The following RNF128 variants were observed in gnomAD, a reference collection of about 807,000 sequenced individuals.
RNF128 encodes the protein E3 ubiquitin-protein ligase RNF128.
RNF128 carries 13 observed loss-of-function variants against 26.2 expected under a neutral mutation model. The ratio of observed to expected loss-of-function variants is 0.50; its 90% CI spans 0.32 to 0.79. The LOEUF (loss-of-function observed/expected upper bound fraction) is 0.79, where lower values mean the gene tolerates loss of function less well. Ranked by LOEUF, RNF128 falls within the 30% of genes least tolerant of loss-of-function variation. RNF128 has a pLI of 0.03. For synonymous variants in RNF128, 149 were observed against 142.5 expected, an observed-to-expected ratio of 1.05 and a Z score of -0.32; for missense variants, 315 against 349.7, an observed-to-expected ratio of 0.90 and a Z score of 0.79.
intron 3 of RNF128, among the ~76,000 whole-genome samples, chrX:106,787,657 A>C (rs1930680703): frequency 9.0e-6 from 1 of 111,353 alleles, no homozygotes; most frequent in African/African-American, 3.2e-5. Context: ...ATATATCCTA[A>C]ATCAGGAAAA....
chrX:106,710,279 A>G (rs1307476952), intron 1 of RNF128, among the ~76,000 whole-genome samples: 1 of 112,119 alleles, frequency 8.9e-6, no homozygotes, highest in Non-Finnish European at 1.9e-5. Flanking sequence ...AACAAAAGGC[A>G]AATTTCTAGT....
intron 1 of RNF128, among the ~76,000 whole-genome samples, chrX:106,743,275 G>A (rs770321867): frequency 1.5e-4 from 17 of 112,311 alleles, no homozygotes; most frequent in Non-Finnish European, 3.2e-4. Context: ...TATCTACTAT[G>A]TAAGCATAAC....
intron 2 of RNF128, among the ~76,000 whole-genome samples, chrX:106,777,101 T>C (rs903614054): frequency 1.8e-5 from 2 of 111,767 alleles, no homozygotes; most frequent in Non-Finnish European, 3.8e-5. Context: ...AACCATGCTC[T>C]GATATGGTGT....
chrX:106,766,119 A>C (rs778138133), intron 1 of RNF128, among the ~76,000 whole-genome samples: 1 of 111,827 alleles, frequency 8.9e-6, no homozygotes, highest in Non-Finnish European at 1.9e-5. Flanking sequence ...CTATTATTGA[A>C]GGACATTTGG....
intron 1 of RNF128, among the ~76,000 whole-genome samples, chrX:106,716,366 T>C (rs992118642): frequency 4.5e-5 from 5 of 111,531 alleles, no homozygotes; most frequent in African/African-American, 1.3e-4. Context: ...TACATGTATA[T>C]GACAATCCAG....
At chrX:106,716,006 C>T (rs1045724389) in intron 1 of RNF128, among the ~76,000 whole-genome samples, 1 of 111,915 alleles carries the variant, frequency 8.9e-6, no homozygotes, top group African/African-American at 3.3e-5. Flanking sequence ...CCCACTACTC[C>T]TCCTCTGTAC....
At chrX:106,774,695 T>C (rs1485431381) in intron 2 of RNF128, among the ~76,000 whole-genome samples, 6 of 112,307 alleles carry the variant, frequency 5.3e-5, no homozygotes, top group African/African-American at 1.6e-4. Flanking sequence ...CCATAATTTC[T>C]TACCTCCTCC....
At chrX:106,782,743 G>A (rs915888031) in intron 2 of RNF128, among the ~76,000 whole-genome samples, 1 of 111,577 alleles carries the variant, frequency 9.0e-6, no homozygotes, top group Non-Finnish European at 1.9e-5. Context: ...AATGGTAGGA[G>A]TAGCTTCCTA....
intron 1 of RNF128, among the ~76,000 whole-genome samples, chrX:106,755,190 C>G (rs1012080271): frequency 2.7e-5 from 3 of 111,470 alleles, no homozygotes; most frequent in African/African-American, 6.5e-5. Flanking sequence ...CACACAGAAC[C>G]TTCCATGATT....
intron 1 of RNF128, among the ~76,000 whole-genome samples, chrX:106,698,460 T>C (rs891094691): frequency 9.0e-6 from 1 of 111,416 alleles, no homozygotes; most frequent in Non-Finnish European, 1.9e-5. Context: ...AAAAATGTTT[T>C]TCTAGAAGTA....
At chrX:106,775,216 G>A (rs1005858665) in intron 2 of RNF128, among the ~76,000 whole-genome samples, 1 of 111,794 alleles carries the variant, frequency 8.9e-6, no homozygotes, top group Non-Finnish European at 1.9e-5. Flanking sequence ...TTTTATCTGC[G>A]AGGCTGGAAG....
chrX:106,723,025 C>A (rs1347501158), upstream of RNF128, among the ~76,000 whole-genome samples: 1 of 111,660 alleles, frequency 9.0e-6, no homozygotes, highest in Non-Finnish European at 1.9e-5. Context: ...TGTCCTCATA[C>A]AATCCATATG....
intron 1 of RNF128, among the ~76,000 whole-genome samples, chrX:106,705,372 G>A (rs971027582): frequency 1.8e-5 from 2 of 112,244 alleles, no homozygotes; most frequent in African/African-American, 6.5e-5. Context: ...TATCTGCATT[G>A]AGGAGATTAG....
chrX:106,782,824 C>T (rs762460582), intron 2 of RNF128, among the ~76,000 whole-genome samples: 8 of 111,682 alleles, frequency 7.2e-5, no homozygotes, highest in Non-Finnish European at 1.3e-4. Context: ...GACACTAGCT[C>T]TGATATTTCA....
chrX:106,781,165 C>T, intron 2 of RNF128, among the ~76,000 whole-genome samples: 1 of 111,340 alleles, frequency 9.0e-6, no homozygotes, highest in Non-Finnish European at 1.9e-5. Context: ...GCCCAGTCCT[C>T]CAGCTACTCA....
At chrX:106,731,053 G>C (rs929431443) in intron 1 of RNF128, among the ~76,000 whole-genome samples, 2 of 112,433 alleles carry the variant, frequency 1.8e-5, no homozygotes, top group East Asian at 2.8e-4. Context: ...TGCCTCCTAA[G>C]GTTGCTGGGA....
intron 1 of RNF128, among the ~76,000 whole-genome samples, chrX:106,766,764 G>C (rs1488087399): frequency 2.7e-5 from 3 of 111,828 alleles, no homozygotes; most frequent in African/African-American, 6.5e-5. Flanking sequence ...ATTGCTTTTG[G>C]TGTTTTGGTC....
upstream of RNF128, among the ~76,000 whole-genome samples, chrX:106,724,809 C>T (rs1348015338): frequency 1.8e-5 from 2 of 111,730 alleles, no homozygotes; most frequent in Non-Finnish European, 3.8e-5. Context: ...ATATATCACT[C>T]TATACTGCAC....
intron 1 of RNF128, among the ~76,000 whole-genome samples, chrX:106,729,222 A>G (rs1163953859): frequency 2.7e-5 from 3 of 111,396 alleles, no homozygotes; most frequent in Non-Finnish European, 5.7e-5. Context: ...TATTACTTAT[A>G]CTTTATTGAG....
Sources: allele counts gnomAD v4.1 joint callset (sites outside exome capture counted in the v4.1 genomes callset), GRCh38; gene constraint gnomAD v4.1.1; transcripts MANE v1.5; gene names NCBI Gene and HGNC (gene_info 2026-07-23, HGNC 2026-07-21).